HMGCS1: variants seen among roughly 807,000 people sequenced by gnomAD.
HMGCS1 encodes the protein hydroxymethylglutaryl-CoA synthase, cytoplasmic.
Under a neutral mutation model 52.3 loss-of-function variants are expected in HMGCS1, and 9 were observed. That is an observed-to-expected ratio of 0.17 (90% CI 0.10 to 0.30). HMGCS1 has a LOEUF of 0.30. HMGCS1 is among the 10% of genes least tolerant of loss of function. The pLI is 1.00. For synonymous variants in HMGCS1, 176 were observed against 214.4 expected (o/e 0.82, Z 1.57); for missense variants, 320 against 620.9 (o/e 0.52, Z 5.15).
Position 43,291,079 on chromosome 5 carries a change from A to ACCCCCCCCCCCCCCCCCCCCCCC in HMGCS1, c.*51_*52insGGGGGGGGGGGGGGGGGGGGGGG. 1.3e-6 allele frequency: 1 copy of ACCCCCCCCCCCCCCCCCCCCCCC among 780,104 alleles called. No homozygotes were observed. The highest frequency in any genetic ancestry group is 2.3e-6 in the Non-Finnish European group (1 of 430,614). The allele number at this position is 780,104 out of a possible 1,614,324, so 48.3% of individuals were successfully genotyped here. ...ATCCCATTCCTCCAACTGTTCCCAT[A>ACCCCCCCCCCCCCCCCCCCCCCC]CCCCCACCCCATGCCCACCCCACCC... On this transcript the variant is annotated 3_prime_UTR_variant, in exon 11 of 11. Coordinates refer to ENST00000325110, the MANE Select transcript of HMGCS1 (RefSeq NM_001098272.3).
chr5:43,296,544 G>A lies in HMGCS1; in HGVS notation c.739+458C>T, dbSNP rs185146514. Among the ~76,000 whole-genome samples, 4 of 152,204 alleles carry A rather than the reference G, an allele frequency of 2.6e-5. No individual in the cohort carries two copies. In the East Asian group the frequency reaches 7.7e-4, roughly 29 times the overall value. ...TTAACTCAAATACTGTCCTTTCAGT[G>A]CCTCAACAAATTTCCAGATTAATGA... On this transcript the variant is annotated intron_variant, in intron 5 of 10. Transcript: ENST00000325110.
Position 43,291,085 on chromosome 5 carries a change from A to ACCCCCAGCCCCCCCCCCC in HMGCS1, c.*45_*46insGGGGGGGGGGGCTGGGGG. ...TTCCTCCAACTGTTCCCATACCCCC[A>ACCCCCAGCCCCCCCCCCC]CCCCATGCCCACCCCACCCTGAAGT... is the stretch of plus-strand genomic sequence containing the variant. On this transcript the variant is annotated 3_prime_UTR_variant, in exon 11 of 11. Transcript: ENST00000325110. The ACCCCCAGCCCCCCCCCCC allele has an allele frequency of 1.9e-6, 1 of 514,254 alleles. No homozygotes were observed. 31.9% of individuals were successfully genotyped at this position (514,254 alleles called of 1,614,324 possible). A position where few individuals can be genotyped will look rare whatever the true frequency, so the allele number is the denominator to read the frequency against.
Position 43,292,527 on chromosome 5 carries a change from C to T in HMGCS1, c.1420G>A (p.Asp474Asn). The T allele has an allele frequency of 6.2e-7, 1 of 1,613,912 alleles. No homozygotes were observed. ...CCTACTCCTTCATCCAAAGTGTCATCATTTGGAGTGGGACGCCGAGCGTAA... is the reference window on the plus strand; with the variant it reads ...CCTACTCCTTCATCCAAAGTGTCATTATTTGGAGTGGGACGCCGAGCGTAA... Reference protein sequence around the residue: ...RTYARRPTPNDDTLDEGVGLV... With the variant: ...RTYARRPTPNNDTLDEGVGLV... The change falls in exon 10 of 11, where the codon GAT becomes AAT. Residue 474 changes from aspartate to asparagine, a missense_variant. Asp to Asn is a conservative substitution (Grantham distance 23). Coordinates refer to ENST00000325110, the MANE Select transcript of HMGCS1 (RefSeq NM_001098272.3).
Position 43,289,872 on chromosome 5 carries a change from C to T in HMGCS1, c.*1259G>A, listed in dbSNP as rs1753659638. 1 of 152,420 alleles carries T rather than the reference C, an allele frequency of 6.6e-6. No homozygotes were observed. Among genetic ancestry groups the T allele is most frequent in the African/African-American group, 2.4e-5 (1 of 41,398 alleles). The allele number at this position is 152,420 out of a possible 1,614,324, so 9.4% of individuals were successfully genotyped here. On this transcript the variant is annotated 3_prime_UTR_variant, in exon 11 of 11. Transcript: ENST00000325110. ...AAAATTTAGTTCTGTACATTAGTTC[C>T]AACTATCCCTATTTTACAATCTATA...
chr5:43,297,261 C>T (rs945495654), intron 4 of HMGCS1, 95 bp from the exon 5 acceptor site: 5 of 1,009,910 alleles, frequency 5.0e-6, no homozygotes, highest in Admixed American at 2.4e-5. Flanking sequence ...CCTTCCTTAA[C>T]TATCTGATCA....
At chr5:43,302,341 A>T in intron 2 of HMGCS1, among the ~76,000 whole-genome samples, 1 of 152,170 alleles carries the variant, frequency 6.6e-6, no homozygotes, top group Admixed American at 6.5e-5. Context: ...TATATTCTTT[A>T]TCCAAAAACA....
chr5:43,296,872 T>A, intron 5 of HMGCS1, 130 bp downstream of exon 5: 1 of 663,542 alleles, frequency 1.5e-6, no homozygotes, highest in South Asian at 2.5e-5. Flanking sequence ...TGTTGTTTGG[T>A]GAATGAGGAA....
chr5:43,291,704 A>AC (rs983145721), intron 10 of HMGCS1, among the ~76,000 whole-genome samples: 11 of 152,274 alleles, frequency 7.2e-5, no homozygotes, highest in Non-Finnish European at 1.2e-4. Context: ...TAAAGGGAGG[A>AC]CAGTATCATT....
rs374341791 is a variant in HMGCS1, at chr5:43,294,360, C to T, written c.1077-198G>A. On this transcript the variant is annotated intron_variant, in intron 7 of 10. Transcript: ENST00000325110. ...TTTAATATTGCAGCATGTGAGTTTT[C>T]ATCTTGTGGGGAATGACAGAGCTTG... The T allele has an allele frequency of 1.6e-3, 815 of 525,724 alleles. 6 individuals are homozygous for T. The highest frequency in any genetic ancestry group is 0.015 in the African/African-American group (786 of 51,640). The allele number at this position is 525,724 out of a possible 1,614,324, so 32.6% of individuals were successfully genotyped here.
Position 43,292,938 on chromosome 5 carries a change from C to T in HMGCS1, c.1219G>A (p.Asp407Asn). Residue 407 changes from aspartate (D) to asparagine (N), a missense_variant, in exon 9 of 11, where the codon GAT becomes AAT. By Grantham distance (23) the Asp-to-Asn change is conservative (BLOSUM62 1). Transcript: ENST00000325110. ...CTTGAATCAAGCCTTGATTTAAGAT[C>T]ACATAAACTTGCTGTTATTTTATCA... is the stretch of plus-strand genomic sequence containing the variant. ...ALDKITASLCDLKSRLDSRTG... is the reference protein window; with the variant it reads ...ALDKITASLCNLKSRLDSRTG... 6.2e-7 allele frequency: 1 copy of T among 1,605,446 alleles called. No homozygotes were observed. Among genetic ancestry groups the T allele is most frequent in the Non-Finnish European group, 8.5e-7 (1 of 1,177,328 alleles).
chr5:43,292,797 T>C (rs756205814), intron 9 of HMGCS1, 51 bp downstream of exon 9: 6 of 1,581,284 alleles, frequency 3.8e-6, no homozygotes, highest in African/African-American at 1.3e-5. Context: ...GCATCCTTAA[T>C]GATATCAGCC....
chr5:43,307,493 T>A (rs1391018592), intron 2 of HMGCS1, among the ~76,000 whole-genome samples: 2 of 152,258 alleles, frequency 1.3e-5, no homozygotes, highest in African/African-American at 4.8e-5. Flanking sequence ...AAGTAGTCCA[T>A]GTAATTACAT....
rs184160054 is a variant in HMGCS1 at position 43,308,198 on chromosome 5, A to G, written c.-69-374T>C. ...ATAAACAAGTTGTAATGAGTTAGCA[A>G]ATTTCTAGAGTAAAGAGATATATGC... is the stretch of plus-strand genomic sequence containing the variant. On this transcript the variant is annotated intron_variant, in intron 1 of 10. Coordinates refer to ENST00000325110, the MANE Select transcript of HMGCS1 (RefSeq NM_001098272.3). Among the ~76,000 whole-genome samples the G allele has an allele frequency of 1.7e-3, 266 of 152,334 alleles. 3 individuals carry two copies. The highest frequency in any genetic ancestry group is 6.8e-3 in the Middle Eastern group (2 of 294).
rs1754133867 is a variant in HMGCS1 at position 43,298,306 on chromosome 5, G to A, written c.449-172C>T. 1.5e-6 allele frequency: 1 copy of A among 656,638 alleles called. No homozygotes were observed. Among genetic ancestry groups the A allele is most frequent in the Non-Finnish European group, 2.4e-6 (1 of 416,068 alleles). The allele number at this position is 656,638 out of a possible 1,614,324, so 40.7% of individuals were successfully genotyped here. On this transcript the variant is annotated intron_variant, in intron 3 of 10. Coordinates refer to ENST00000325110, the MANE Select transcript of HMGCS1 (RefSeq NM_001098272.3). The surrounding 1 kb of genome is among the most constrained non-coding windows in gnomAD (Gnocchi z 5.6). Reference sequence around the variant, plus strand: ...TCTGCCAAGGCTCTGTCATCCATCTGACTAAATTTTGAATAGACCATTTGT... The same window carrying A: ...TCTGCCAAGGCTCTGTCATCCATCTAACTAAATTTTGAATAGACCATTTGT...
Position 43,292,915 on chromosome 5 carries a change from T to C in HMGCS1, c.1242A>G (p.Ser414=), listed in dbSNP as rs907448761. Residue 414 remains serine, a synonymous_variant, in exon 9 of 11, where the codon TCA becomes TCG. Transcript: ENST00000325110. ...AGACATCTGGTGCCACACCAGTTCT[T>C]GAATCAAGCCTTGATTTAAGATCAC... ...SLCDLKSRLD[S]RTGVAPDVFA... The C allele has an allele frequency of 1.7e-5, 27 of 1,610,424 alleles. No homozygotes were observed. The highest frequency in any genetic ancestry group is 2.3e-5 in the Non-Finnish European group (27 of 1,178,794).
Position 43,298,706 on chromosome 5 carries a change from A to G in HMGCS1, c.260T>C (p.Ile87Thr), listed in dbSNP as rs769336414. 1.2e-6 allele frequency: 2 copies of G among 1,614,236 alleles called. No individual in the cohort carries two copies. The highest frequency in any genetic ancestry group is 1.7e-6 in the Non-Finnish European group (2 of 1,180,032). The change falls in exon 3 of 11, where the codon ATT becomes ACT. Residue 87 changes from isoleucine (I) to threonine (T), a missense_variant. Ile to Thr is a moderately conservative substitution (Grantham distance 89). Around this residue, in one of 3 missense-constraint regions of HMGCS1, gnomAD observed 85 missense variants for 260.0 expected, o/e 0.33. Coordinates refer to ENST00000325110, the MANE Select transcript of HMGCS1 (RefSeq NM_001098272.3). The surrounding 1 kb of genome is among the most constrained non-coding windows in gnomAD (Gnocchi z 5.6). Reference protein sequence around the residue: ...MERNNLSYDCIGRLEVGTETI... With the variant: ...MERNNLSYDCTGRLEVGTETI... ...CTCTGTTCCAACTTCCAGCCGCCCA[A>G]TGCAATCATAGGAAAGGTTATTTCT...
At position 43,289,537 on chromosome 5, in the gene HMGCS1, A is replaced by T. The variant is rs1431460164; in HGVS notation, c.*1594T>A. On this transcript the variant is annotated 3_prime_UTR_variant, in exon 11 of 11. Transcript: ENST00000325110. ...GAAAACCCATTTCCTGGCACCCAAA[A>T]GTTAAATTACTCTTTTCAAAACATA... The T allele has an allele frequency of 6.6e-6, 1 of 152,566 alleles. No individual in the cohort carries two copies. Among genetic ancestry groups the T allele is most frequent in the African/African-American group, 2.4e-5 (1 of 41,420 alleles). The allele number at this position is 152,566 out of a possible 1,614,324, so 9.5% of individuals were successfully genotyped here. A position where few individuals can be genotyped will look rare whatever the true frequency, so the allele number is the denominator to read the frequency against.
chr5:43,290,351 G>C lies in HMGCS1; in HGVS notation c.*780C>G, dbSNP rs933488702. 1.3e-5 allele frequency: 2 copies of C among 152,358 alleles called. No individual in the cohort carries two copies. The highest frequency in any genetic ancestry group is 4.8e-5 in the African/African-American group (2 of 41,446). The allele number at this position is 152,358 out of a possible 1,614,324, so 9.4% of individuals were successfully genotyped here. A position where few individuals can be genotyped will look rare whatever the true frequency, so the allele number is the denominator to read the frequency against. On this transcript the variant is annotated 3_prime_UTR_variant, in exon 11 of 11. Transcript: ENST00000325110. ...TCCAATAACATCTCACTGTTGTTCA[G>C]CATAATCTACCATGAACTGATTCAG...
chr5:43,295,031 T>C (rs1458707601), intron 6 of HMGCS1, among the ~76,000 whole-genome samples, 170 bp from the exon 7 acceptor site: 1 of 152,212 alleles, frequency 6.6e-6, no homozygotes, highest in South Asian at 2.1e-4. Flanking sequence ...CAGTTGTATA[T>C]ATATGGTTCT....
Sources: allele counts gnomAD v4.1 joint callset (sites outside exome capture counted in the v4.1 genomes callset), GRCh38; gene constraint gnomAD v4.1.1; regional missense constraint gnomAD v4.1.1; non-coding constraint Gnocchi (gnomAD v3.1); transcripts MANE v1.5; gene names NCBI Gene and HGNC (gene_info 2026-07-23, HGNC 2026-07-21).